The following PCDHGA11 variants were observed in gnomAD, a reference collection of about 807,000 sequenced individuals.
PCDHGA11 encodes protocadherin gamma-A11.
Under a neutral mutation model 60.4 loss-of-function variants are expected in PCDHGA11, and 39 were observed. The observed-to-expected ratio is 0.65, with a 90% CI of 0.50 to 0.84. The LOEUF is 0.84. PCDHGA11 is among the 40% of genes least tolerant of loss of function. PCDHGA11 has a pLI of 0.00. For missense variants in PCDHGA11, 1,165 were observed against 1,197.7 expected, an observed-to-expected ratio of 0.97 and a Z score of 0.40; for synonymous variants, 533 against 510.3, an observed-to-expected ratio of 1.04 and a Z score of -0.60.
At chr5:141,496,479 CAACCAACCA>C (rs1199646129) in intron 2 of PCDHGA11, among the ~76,000 whole-genome samples, 1 of 152,180 alleles carries the variant, frequency 6.6e-6, no homozygotes, top group Non-Finnish European at 1.5e-5. Context: ...CCCCATCCTG[CAACCAACCA>C]AACCCTTGTT....
Position 141,477,741 on chromosome 5 carries a change from G to A in PCDHGA11, c.2434-17066G>A, listed in dbSNP as rs1438249932. On this transcript the variant is annotated intron_variant, in intron 1 of 3. Transcript: ENST00000398587. The surrounding 1 kb of genome is among the most constrained non-coding windows in gnomAD (Gnocchi z 4.9). ...GAATTAACAGCTCATATCAGCGATG[G>A]GGGCACCCCGGTCCTAGCCACCAAC... is the stretch of plus-strand genomic sequence containing the variant. 4 of 1,613,802 alleles carry A rather than the reference G, an allele frequency of 2.5e-6. No individual in the cohort carries two copies. The highest frequency in any genetic ancestry group is 1.7e-5 in the Admixed American group (1 of 60,026).
At position 141,490,745 on chromosome 5, in the gene PCDHGA11, C is replaced by A. The variant is rs769031787; in HGVS notation, c.2434-4062C>A. 1 of 1,614,238 alleles carries A rather than the reference C, an allele frequency of 6.2e-7. No homozygotes were observed. Among genetic ancestry groups the A allele is most frequent in the Non-Finnish European group, 8.5e-7 (1 of 1,180,042 alleles). ...GTAGGAAATCAGGTTCAGGGAGCCCCAGCCTCCTCCTTTGTGTATGTCAAC... is the reference window on the plus strand; with the variant it reads ...GTAGGAAATCAGGTTCAGGGAGCCCAAGCCTCCTCCTTTGTGTATGTCAAC... On this transcript the variant is annotated intron_variant, in intron 1 of 3. Transcript: ENST00000398587. The surrounding 1 kb of genome is among the most constrained non-coding windows in gnomAD (Gnocchi z 5.4).
intron 1 of PCDHGA11, among the ~76,000 whole-genome samples, chr5:141,443,873 T>A (rs1250320938): frequency 6.6e-6 from 1 of 152,100 alleles, no homozygotes; most frequent in Non-Finnish European, 1.5e-5. Context: ...AAATTACTGA[T>A]AAGTCAAGAG....
rs2099745591 is a variant in PCDHGA11, at chr5:141,492,999, T to C, written c.2434-1808T>C. Among the ~76,000 whole-genome samples, 3 of 152,350 alleles carry C rather than the reference T, an allele frequency of 2.0e-5. No homozygotes were observed. In the South Asian group the frequency reaches 6.2e-4, roughly 32 times the overall value. ...CTGTCTCCTCTGGCAGATGGAAAGCTATAGGCTCTGCCAGATGCCAGGGTG... is the reference window on the plus strand; with the variant it reads ...CTGTCTCCTCTGGCAGATGGAAAGCCATAGGCTCTGCCAGATGCCAGGGTG... On this transcript the variant is annotated intron_variant, in intron 1 of 3. Coordinates refer to ENST00000398587, the MANE Select transcript of PCDHGA11 (RefSeq NM_018914.3).
chr5:141,439,042 A>C (rs2098084096), intron 1 of PCDHGA11, among the ~76,000 whole-genome samples: 1 of 151,642 alleles, frequency 6.6e-6, no homozygotes, highest in Non-Finnish European at 1.5e-5. Context: ...TCAGTTCATA[A>C]GATTTCCATA....
chr5:141,430,715 A>G (rs1210053402), intron 1 of PCDHGA11: 3 of 1,483,264 alleles, frequency 2.0e-6, no homozygotes, highest in East Asian at 4.7e-5. Context: ...TCCTGACTTC[A>G]GTGGTTAAGG....
At chr5:141,441,878 TG>T in intron 1 of PCDHGA11, 1 of 343,708 alleles carries the variant, frequency 2.9e-6, no homozygotes, top group Non-Finnish European at 5.6e-6. Context: ...CCTGGCTACC[TG>T]GTCACCAAGG....
In PCDHGA11 at chr5:141,490,654, C is replaced by A; in HGVS notation, c.2434-4153C>A. On this transcript the variant is annotated intron_variant, in intron 1 of 3. Transcript: ENST00000398587. The surrounding 1 kb of genome is among the most constrained non-coding windows in gnomAD (Gnocchi z 5.4). ...CCTAGAAAACCGGCCTCCGGGCTCC[C>A]TTCTTTGCACTGTGGCTGCCTCAGA... 6.2e-7 allele frequency: 1 copy of A among 1,614,206 alleles called. No individual in the cohort carries two copies. Among genetic ancestry groups the A allele is most frequent in the Non-Finnish European group, 8.5e-7 (1 of 1,180,014 alleles).
chr5:141,428,031 G>A (rs760882803), intron 1 of PCDHGA11: 6 of 1,607,376 alleles, frequency 3.7e-6, no homozygotes, highest in South Asian at 3.3e-5. Context: ...CGCAGAGTCC[G>A]GCTACCTGGT....
intron 1 of PCDHGA11, among the ~76,000 whole-genome samples, chr5:141,448,985 A>G (rs2098621528): frequency 6.6e-6 from 1 of 152,026 alleles, no homozygotes; most frequent in South Asian, 2.1e-4. Context: ...TTCCATATTA[A>G]TATATAGAAA....
chr5:141,484,695 G>A (rs1371166304), intron 1 of PCDHGA11, among the ~76,000 whole-genome samples: 3 of 151,920 alleles, frequency 2.0e-5, no homozygotes, highest in Non-Finnish European at 4.4e-5. Context: ...TCAGGCTGTG[G>A]CTGTTTTCCC....
chr5:141,440,035 C>T, intron 1 of PCDHGA11: 1 of 153,140 alleles, frequency 6.5e-6, no homozygotes, highest in East Asian at 1.9e-4. Flanking sequence ...GTGTCGAGGA[C>T]ATGCCCACTT....
intron 1 of PCDHGA11, among the ~76,000 whole-genome samples, chr5:141,480,976 T>G (rs1485868136): frequency 6.6e-6 from 1 of 152,108 alleles, no homozygotes; most frequent in Non-Finnish European, 1.5e-5. Context: ...GGAGAATCAG[T>G]GAACCCAGGA....
chr5:141,450,615 T>C (rs2098687601), intron 1 of PCDHGA11, among the ~76,000 whole-genome samples: 1 of 151,340 alleles, frequency 6.6e-6, no homozygotes, highest in African/African-American at 2.4e-5. Flanking sequence ...GCCTCCTGAG[T>C]AGCTGGGATT....
intron 1 of PCDHGA11, among the ~76,000 whole-genome samples, chr5:141,456,866 G>A (rs2098893781): frequency 6.6e-6 from 1 of 152,170 alleles, no homozygotes; most frequent in African/African-American, 2.4e-5. Flanking sequence ...GGGAGGCTGA[G>A]GCAGGAGAAT....
At chr5:141,453,351 C>T (rs1210851703) in intron 1 of PCDHGA11, among the ~76,000 whole-genome samples, 3 of 151,738 alleles carry the variant, frequency 2.0e-5, no homozygotes, top group African/African-American at 7.3e-5. Context: ...CCAGGCTGAC[C>T]CTGAACTCCT....
chr5:141,478,292 C>T, intron 1 of PCDHGA11: 1 of 1,614,146 alleles, frequency 6.2e-7, no homozygotes, highest in Non-Finnish European at 8.5e-7. Flanking sequence ...GTCTAGAGAC[C>T]TATACCGAGC....
Position 141,491,094 on chromosome 5 carries a change from G to T in PCDHGA11, c.2434-3713G>T. ...TGCCACAGTCCACAGCCCCAGGACT[G>T]TTCCTCGTGTCTACACACACTGGTG... On this transcript the variant is annotated intron_variant, in intron 1 of 3. Transcript: ENST00000398587. This position sits in a 1 kb window ranked among gnomAD's most constrained non-coding sequence, Gnocchi z 6.9. The T allele has an allele frequency of 6.2e-7, 1 of 1,614,202 alleles. No homozygotes were observed. The highest frequency in any genetic ancestry group is 1.1e-5 in the South Asian group (1 of 91,086).
At position 141,489,585 on chromosome 5, in the gene PCDHGA11, G is replaced by A; in HGVS notation, c.2434-5222G>A. 3 of 1,614,090 alleles carry A rather than the reference G, an allele frequency of 1.9e-6. No individual in the cohort carries two copies. Among genetic ancestry groups the A allele is most frequent in the Non-Finnish European group, 2.5e-6 (3 of 1,180,004 alleles). The stretch of plus-strand genomic sequence containing the variant: ...AGGTGGTGACTGAACACCCCCTGGA[G>A]CTAATCCGTGTAGAGGTAGAGATCC... On this transcript the variant is annotated intron_variant, in intron 1 of 3. Coordinates refer to ENST00000398587, the MANE Select transcript of PCDHGA11 (RefSeq NM_018914.3). The surrounding 1 kb of genome is among the most constrained non-coding windows in gnomAD (Gnocchi z 4.5).
Sources: allele counts gnomAD v4.1 joint callset (sites outside exome capture counted in the v4.1 genomes callset), GRCh38; gene constraint gnomAD v4.1.1; non-coding constraint Gnocchi (gnomAD v3.1); transcripts MANE v1.5; gene names NCBI Gene and HGNC (gene_info 2026-07-23, HGNC 2026-07-21).